The following SIK2 variants were observed in gnomAD, a reference collection of about 807,000 sequenced individuals.
SIK2 encodes salt inducible kinase 2.
SIK2 carries 29 observed loss-of-function variants against 103.2 expected under a neutral mutation model. The ratio of observed to expected loss-of-function variants is 0.28; its 90% CI spans 0.21 to 0.38. The LOEUF is 0.38. Ranked by LOEUF, SIK2 falls within the 10% of genes least tolerant of loss-of-function variation. The probability of loss-of-function intolerance (pLI) is 1.00; values close to 1 mark genes in which losing one functional copy is unlikely to be tolerated. For synonymous variants in SIK2, 412 were observed against 446.1 expected (o/e 0.92, Z 0.96); for missense variants, 879 against 1,171.0 (o/e 0.75, Z 3.64).
chr11:111,672,135 G>A (rs940898667), intron 3 of SIK2: 6 of 446,234 alleles, frequency 1.3e-5, no homozygotes, highest in African/African-American at 4.1e-5. Context: ...CGGCCTGGAT[G>A]TTGGGGTCCA....
At position 111,728,851 on chromosome 11, in the gene SIK2, G is replaced by A. The variant is rs1252780353; in HGVS notation, c.*4722G>A. ...AGGCAGGAGAATGGCGTGAACCCGG[G>A]AGGTGGAGCTTGCAGTGAGCCAAGA... On this transcript the variant is annotated 3_prime_UTR_variant, in exon 15 of 15. Coordinates refer to ENST00000304987, the MANE Select transcript of SIK2 (RefSeq NM_015191.3). 1.3e-5 allele frequency: 2 copies of A among 151,582 alleles called. No homozygotes were observed. Among genetic ancestry groups the A allele is most frequent in the African/African-American group, 2.4e-5 (1 of 41,242 alleles). The allele number at this position is 151,582 out of a possible 1,614,324, so 9.4% of individuals were successfully genotyped here.
rs1943836816 is a variant in SIK2 at position 111,722,642 on chromosome 11, AT to A, written c.2056-22del. ...TAGGTGACAGCACATTGTCACGCTC[AT>A]GTTGTTTTTCTGCTCTTCCAGAAGC... On this transcript the variant is annotated intron_variant, in intron 13 of 14. Coordinates refer to ENST00000304987, the MANE Select transcript of SIK2 (RefSeq NM_015191.3). The surrounding 1 kb of genome is among the most constrained non-coding windows in gnomAD (Gnocchi z 4.4). 8 of 1,609,414 alleles carry A rather than the reference AT, an allele frequency of 5.0e-6. No homozygotes were observed. The highest frequency in any genetic ancestry group is 5.9e-6 in the Non-Finnish European group (7 of 1,177,430).
intron 3 of SIK2, chr11:111,671,869 A>T: frequency 4.9e-6 from 2 of 411,894 alleles, no homozygotes; most frequent in Non-Finnish European, 9.4e-6. Flanking sequence ...TGAAGTCCTC[A>T]AGCTGCCCCT....
chr11:111,708,258 T>G (rs1182448261), intron 8 of SIK2, among the ~76,000 whole-genome samples: 1 of 152,080 alleles, frequency 6.6e-6, no homozygotes, highest in Admixed American at 6.6e-5. Flanking sequence ...AGTGCGTGCT[T>G]ATAATCCCAG....
intron 2 of SIK2, among the ~76,000 whole-genome samples, chr11:111,619,905 G>A (rs752177180): frequency 1.4e-4 from 22 of 151,944 alleles, no homozygotes; most frequent in Non-Finnish European, 2.8e-4. Flanking sequence ...TCTTTTAATC[G>A]GAATCTACCA....
At chr11:111,646,873 A>T (rs1942264423) in intron 3 of SIK2, among the ~76,000 whole-genome samples, 2 of 152,158 alleles carry the variant, frequency 1.3e-5, no homozygotes, top group African/African-American at 4.8e-5. Context: ...GTTGATGAAT[A>T]TTTTGGTAGT....
chr11:111,719,076 T>C (rs945773812), intron 9 of SIK2, among the ~76,000 whole-genome samples: 5 of 152,336 alleles, frequency 3.3e-5, no homozygotes, highest in African/African-American at 1.2e-4. Flanking sequence ...CAAAATTCAG[T>C]GCACTGGGGC....
At chr11:111,649,671 A>G (rs1942303042) in intron 3 of SIK2, among the ~76,000 whole-genome samples, 1 of 152,098 alleles carries the variant, frequency 6.6e-6, no homozygotes, top group Non-Finnish European at 1.5e-5. Context: ...AATGTATGTG[A>G]GAGTATTCTA....
intron 3 of SIK2, among the ~76,000 whole-genome samples, chr11:111,664,386 C>G (rs1591606466): frequency 6.6e-6 from 1 of 152,020 alleles, no homozygotes; most frequent in Non-Finnish European, 1.5e-5. Context: ...GAGGCCGAGG[C>G]GGGCGGACCA....
intron 6 of SIK2, 26 bp from the exon 7 acceptor site, chr11:111,703,177 C>T (rs779821825): frequency 6.2e-7 from 1 of 1,607,386 alleles, no homozygotes. Context: ...ATTCTTGTGA[C>T]TTTTGTAACA....
chr11:111,711,037 A>T (rs1201260410), intron 8 of SIK2, among the ~76,000 whole-genome samples: 2 of 152,152 alleles, frequency 1.3e-5, no homozygotes, highest in African/African-American at 4.8e-5. Context: ...TTTTGAAGGG[A>T]TGGTGATGAA....
intron 3 of SIK2, among the ~76,000 whole-genome samples, chr11:111,646,047 G>C (rs1451206159): frequency 6.6e-6 from 1 of 151,976 alleles, no homozygotes; most frequent in Non-Finnish European, 1.5e-5. Flanking sequence ...AAAGCAGTGT[G>C]ATGATAGCAT....
At chr11:111,679,581 T>C (rs1942750977) in intron 3 of SIK2, among the ~76,000 whole-genome samples, 1 of 152,252 alleles carries the variant, frequency 6.6e-6, no homozygotes, top group Non-Finnish European at 1.5e-5. Context: ...AAGTTTAATA[T>C]TATAAATAGT....
intron 1 of SIK2, among the ~76,000 whole-genome samples, chr11:111,612,948 T>TATATATATATATATATATATA (rs1555024123): frequency 1.0e-5 from 1 of 95,726 alleles, no homozygotes; most frequent in African/African-American, 4.7e-5. Context: ...ATATATATAT[T>TATATATATATATATATATATA]TATGATCATA....
intron 3 of SIK2, among the ~76,000 whole-genome samples, chr11:111,629,723 A>G (rs949315799): frequency 6.6e-6 from 1 of 152,180 alleles, no homozygotes; most frequent in Non-Finnish European, 1.5e-5. Context: ...AAATTACTCA[A>G]CGTTTTTAGT....
chr11:111,701,161 A>C lies in SIK2; in HGVS notation c.603+151A>C. On this transcript the variant is annotated intron_variant, in intron 5 of 14. Transcript: ENST00000304987. This position sits in a 1 kb window ranked among gnomAD's most constrained non-coding sequence, Gnocchi z 4.2. ...ACTATAATTACTCAGAGCATCTTGA[A>C]ATGGATCCCTAGGAAAGAATTTCTA... The C allele has an allele frequency of 8.8e-7, 1 of 1,130,954 alleles. No homozygotes were observed. 70.1% of individuals were successfully genotyped at this position (1,130,954 alleles called of 1,614,324 possible).
intron 3 of SIK2, among the ~76,000 whole-genome samples, chr11:111,653,485 T>G: frequency 6.6e-6 from 1 of 152,108 alleles, no homozygotes; most frequent in East Asian, 1.9e-4. Flanking sequence ...AAAGAGAAGA[T>G]CCAAGAAGAT....
chr11:111,605,283 C>T (rs994516684), intron 1 of SIK2, among the ~76,000 whole-genome samples: 1 of 152,114 alleles, frequency 6.6e-6, no homozygotes, highest in African/African-American at 2.4e-5. Context: ...TTAAAGTATT[C>T]CATGGGAGTA....
chr11:111,677,772 T>C (rs1015318648), intron 3 of SIK2, among the ~76,000 whole-genome samples: 8 of 152,138 alleles, frequency 5.3e-5, no homozygotes, highest in South Asian at 2.1e-4. Context: ...CTTGTTTGCA[T>C]TGGGGACTGA....
Sources: gnomAD v4.1 joint callset for allele counts (sites outside exome capture counted in the v4.1 genomes callset) on GRCh38, gnomAD v4.1.1 for gene constraint, Gnocchi (gnomAD v3.1) non-coding constraint, MANE v1.5 for transcripts, NCBI Gene and HGNC (gene_info 2026-07-23, HGNC 2026-07-21) for gene names.